CRADD: variants seen among roughly 807,000 people sequenced by gnomAD.
CRADD encodes CARD and death domain containing adaptor protein.
A neutral mutation model predicts 15.5 loss-of-function variants in CRADD; 9 were observed. That is an observed-to-expected ratio of 0.58 (90% CI 0.35 to 1.01). CRADD has a LOEUF of 1.01. Among genes scored for constraint, CRADD ranks in the 50% least tolerant of loss-of-function variants. CRADD has a pLI of 0.02. For synonymous variants in CRADD, 118 were observed against 107.6 expected, an observed-to-expected ratio of 1.10 and a Z score of -0.60; for missense variants, 227 against 250.3, an observed-to-expected ratio of 0.91 and a Z score of 0.63.
chr12:93,743,832 T>C (rs1457544786), intron 2 of CRADD, among the ~76,000 whole-genome samples: 2 of 152,206 alleles, frequency 1.3e-5, no homozygotes, highest in African/African-American at 4.8e-5. Flanking sequence ...TAAAATGTTA[T>C]GTTAGCAACA....
intron 2 of CRADD, chr12:93,848,699 C>T (rs1213434748): frequency 6.6e-6 from 1 of 152,378 alleles, no homozygotes; most frequent in African/African-American, 2.4e-5. Context: ...CCCAGCTCCT[C>T]CTCCTAGTGT....
chr12:93,716,853 C>T (rs1394807753), intron 2 of CRADD, among the ~76,000 whole-genome samples: 1 of 152,160 alleles, frequency 6.6e-6, no homozygotes, highest in East Asian at 1.9e-4. Context: ...GTGCAGGTTC[C>T]TGTGTGGACA....
At chr12:93,699,893 G>C (rs545773441) in intron 2 of CRADD, among the ~76,000 whole-genome samples, 2 of 152,248 alleles carry the variant, frequency 1.3e-5, no homozygotes, top group Admixed American at 1.3e-4. Flanking sequence ...GTAAGAGAGG[G>C]GTAACATGCA....
chr12:93,871,472 C>T (rs1204735065), intron 2 of CRADD, among the ~76,000 whole-genome samples: 4 of 152,098 alleles, frequency 2.6e-5, no homozygotes, highest in African/African-American at 9.7e-5. Flanking sequence ...ACTATAGTCA[C>T]CCTGTTTTGC....
intron 2 of CRADD, among the ~76,000 whole-genome samples, chr12:93,832,625 T>C (rs950240545): frequency 2.6e-5 from 4 of 152,238 alleles, no homozygotes; most frequent in Non-Finnish European, 2.9e-5. Flanking sequence ...TCAGCTTTAA[T>C]ATCTGTTTAC....
chr12:93,797,964 T>C (rs1450815904), intron 2 of CRADD, among the ~76,000 whole-genome samples: 2 of 152,176 alleles, frequency 1.3e-5, no homozygotes, highest in African/African-American at 2.4e-5. Flanking sequence ...ATTTTAGTTG[T>C]GTCACTCAGG....
At chr12:93,725,860 A>G (rs1592932811) in intron 2 of CRADD, among the ~76,000 whole-genome samples, 1 of 151,898 alleles carries the variant, frequency 6.6e-6, no homozygotes, top group African/African-American at 2.4e-5. Flanking sequence ...AATCCTCAAA[A>G]CTCCCTGCCT....
At chr12:93,681,290 A>G (rs1039834773) in intron 2 of CRADD, among the ~76,000 whole-genome samples, 3 of 152,246 alleles carry the variant, frequency 2.0e-5, no homozygotes, top group African/African-American at 4.8e-5. Context: ...TAGCTTTTTA[A>G]AAAAGCAAAC....
chr12:93,850,640 A>G lies in CRADD; in HGVS notation c.*369A>G. 1.1e-6 allele frequency: 1 copy of G among 952,024 alleles called. No individual in the cohort carries two copies. The highest frequency in any genetic ancestry group is 1.3e-6 in the Non-Finnish European group (1 of 799,026). 59.0% of individuals were successfully genotyped at this position (952,024 alleles called of 1,614,324 possible). On this transcript the variant is annotated 3_prime_UTR_variant, in exon 3 of 3. Transcript: ENST00000332896. This position sits in a 1 kb window ranked among gnomAD's most constrained non-coding sequence, Gnocchi z 4.0. ...TCATCACATTACAGGCAGGTGTCTC[A>G]TATGTAAAACATTTACCTGAATGTT... is the stretch of plus-strand genomic sequence containing the variant.
chr12:93,787,417 T>G (rs569020567), intron 2 of CRADD, among the ~76,000 whole-genome samples: 1 of 150,720 alleles, frequency 6.6e-6, no homozygotes, highest in Non-Finnish European at 1.5e-5. Flanking sequence ...ATCACTGGAA[T>G]ATATTTGTAG....
At chr12:93,802,814 CAGGATGTCTTCCAAT>C (rs1330566439) in intron 2 of CRADD, among the ~76,000 whole-genome samples, 2 of 152,180 alleles carry the variant, frequency 1.3e-5, no homozygotes, top group South Asian at 4.1e-4. Flanking sequence ...CTGAATGCTT[CAGGATGTCTTCCAAT>C]AGCCAGCCTT....
At chr12:93,763,316 A>G (rs1186826877) in intron 2 of CRADD, among the ~76,000 whole-genome samples, 1 of 152,148 alleles carries the variant, frequency 6.6e-6, no homozygotes, top group Non-Finnish European at 1.5e-5. Context: ...AGTCCTTGGT[A>G]TGAACTTGGG....
At chr12:93,847,144 G>A (rs1041058285) in intron 2 of CRADD, among the ~76,000 whole-genome samples, 3 of 152,070 alleles carry the variant, frequency 2.0e-5, no homozygotes, top group African/African-American at 7.2e-5. Flanking sequence ...AAGTGCAGAT[G>A]TAGAATGGAT....
chr12:93,801,528 AG>A (rs1230559608), intron 2 of CRADD, among the ~76,000 whole-genome samples: 2 of 151,978 alleles, frequency 1.3e-5, no homozygotes, highest in Admixed American at 6.5e-5. Flanking sequence ...CCTCCTGAGT[AG>A]CTGGGATTAC....
intron 2 of CRADD, among the ~76,000 whole-genome samples, chr12:93,834,163 CATGAA>C (rs1216057045): frequency 6.6e-6 from 1 of 152,208 alleles, no homozygotes; most frequent in Non-Finnish European, 1.5e-5. Context: ...GGAGTATGAG[CATGAA>C]ATGAACTCTT....
chr12:93,678,713 C>T, intron 1 of CRADD, 56 bp from the exon 2 acceptor site: 1 of 1,560,568 alleles, frequency 6.4e-7, no homozygotes, highest in Non-Finnish European at 8.7e-7. Context: ...GTGACACTGT[C>T]TTTAGGGCCA....
chr12:93,759,826 A>G (rs1956929568), intron 2 of CRADD, among the ~76,000 whole-genome samples: 1 of 152,226 alleles, frequency 6.6e-6, no homozygotes, highest in Non-Finnish European at 1.5e-5. Flanking sequence ...GAAGTTGCCA[A>G]AGGAAAATGG....
intron 2 of CRADD, among the ~76,000 whole-genome samples, chr12:93,764,087 G>A (rs754317747): frequency 2.0e-5 from 3 of 152,020 alleles, no homozygotes; most frequent in South Asian, 2.1e-4. Flanking sequence ...CCATTAGCAC[G>A]GCTTACATTT....
chr12:93,775,584 C>T (rs112671830), intron 2 of CRADD, among the ~76,000 whole-genome samples: 2 of 150,784 alleles, frequency 1.3e-5, no homozygotes, highest in Admixed American at 6.6e-5. Flanking sequence ...GAAGGGGGAT[C>T]GAATGGAAGT....
Sources: allele counts gnomAD v4.1 joint callset (sites outside exome capture counted in the v4.1 genomes callset), GRCh38; gene constraint gnomAD v4.1.1; non-coding constraint Gnocchi (gnomAD v3.1); transcripts MANE v1.5; gene names NCBI Gene and HGNC (gene_info 2026-07-23, HGNC 2026-07-21).